Variants in FAM13A observed in about 807,000 individuals in gnomAD.
The protein encoded by FAM13A is protein FAM13A.
In FAM13A, 76 loss-of-function variants were observed where a neutral mutation model predicts 129.6. The ratio of observed to expected loss-of-function variants is 0.59; its 90% CI spans 0.49 to 0.71. The LOEUF is 0.71. FAM13A is among the 30% of genes least tolerant of loss of function. FAM13A has a pLI of 0.00. For missense variants in FAM13A, 1,108 were observed against 1,249.3 expected (o/e 0.89, Z 1.70); for synonymous variants, 443 against 449.9 (o/e 0.98, Z 0.20).
rs775663825 is a variant in FAM13A at position 89,029,492 on chromosome 4, A to C, written c.185T>G (p.Val62Gly). The change falls in exon 2 of 24, where the codon GTG (valine) becomes GGG (glycine). Residue 62 changes from valine to glycine, a missense_variant. Val to Gly is a moderately radical substitution (Grantham distance 109). Transcript: ENST00000264344. ...CGTCAAATATTCCACTATATTCCAC[A>C]CTACTGCTGGAATGCCATTCTCGGT... is the stretch of plus-strand genomic sequence containing the variant. ...GLTENGIPAV[V>G]WNIVEYLTQH... is the part of the protein sequence containing the mutation. The C allele has an allele frequency of 1.3e-6, 2 of 1,595,830 alleles. No homozygotes were observed. The highest frequency in any genetic ancestry group is 8.5e-7 in the Non-Finnish European group (1 of 1,175,208).
At chr4:88,954,550 C>CA (rs1052959856) in intron 4 of FAM13A, among the ~76,000 whole-genome samples, 22 of 152,076 alleles carry the variant, frequency 1.4e-4, no homozygotes, top group African/African-American at 5.3e-4. Flanking sequence ...AACACCTATA[C>CA]AAAAAATAAT....
intron 17 of FAM13A, 136 bp downstream of exon 17, chr4:88,748,816 C>T: frequency 2.7e-6 from 2 of 730,904 alleles, no homozygotes; most frequent in Non-Finnish European, 4.9e-6. Context: ...AGTGGTCACT[C>T]TGAATAGCTG....
In FAM13A at chr4:88,972,054, ATAAT is replaced by A. The variant is rs955400171; in HGVS notation, c.605+18915_605+18918del. ...AGCATACATAAACACATATATATAC[ATAAT>A]TAAATATATTGTTACTATTATTATT... is the stretch of plus-strand genomic sequence containing the variant. On this transcript the variant is annotated intron_variant, in intron 4 of 23. Coordinates refer to ENST00000264344, the MANE Select transcript of FAM13A (RefSeq NM_014883.4). Among the ~76,000 whole-genome samples, 35 of 152,148 alleles carry A rather than the reference ATAAT, an allele frequency of 2.3e-4. No individual in the cohort carries two copies. In the East Asian group the frequency reaches 3.9e-3, roughly 17 times the overall value.
chr4:88,844,042 T>G (rs904782921), intron 7 of FAM13A, among the ~76,000 whole-genome samples: 16 of 152,144 alleles, frequency 1.1e-4, no homozygotes, highest in African/African-American at 3.4e-4. Context: ...GTCAGCTAGA[T>G]GAAGAAAGGT....
intron 3 of FAM13A, among the ~76,000 whole-genome samples, chr4:89,001,321 C>T (rs1764219505): frequency 6.6e-6 from 1 of 152,122 alleles, no homozygotes; most frequent in Admixed American, 6.5e-5. Context: ...CTTTGTGCTG[C>T]TGATTGATTG....
chr4:88,797,270 T>TG (rs1454316017), intron 8 of FAM13A, among the ~76,000 whole-genome samples: 3 of 132,930 alleles, frequency 2.3e-5, no homozygotes, highest in Non-Finnish European at 4.9e-5. Context: ...GATAGTTTTG[T>TG]GGGTTTTTTT....
intron 4 of FAM13A, among the ~76,000 whole-genome samples, chr4:88,980,972 C>A (rs758925986): frequency 2.0e-5 from 3 of 152,096 alleles, no homozygotes; most frequent in Middle Eastern, 3.2e-3. Flanking sequence ...TTTGGTGCTG[C>A]CACTAAGAAA....
chr4:89,045,109 TAAAG>T (rs1380347944), intron 1 of FAM13A, among the ~76,000 whole-genome samples: 3 of 152,032 alleles, frequency 2.0e-5, no homozygotes, highest in Non-Finnish European at 2.9e-5. Context: ...TAAAAAAAGT[TAAAG>T]AATTGATCAC....
At chr4:88,762,900 A>G (rs1454338795) in intron 13 of FAM13A, among the ~76,000 whole-genome samples, 1 of 152,202 alleles carries the variant, frequency 6.6e-6, no homozygotes, top group East Asian at 1.9e-4. Flanking sequence ...AATTAATTTC[A>G]CAATTTTCAA....
chr4:88,856,604 A>C (rs1039987711), intron 6 of FAM13A, among the ~76,000 whole-genome samples: 5 of 152,244 alleles, frequency 3.3e-5, no homozygotes, highest in Non-Finnish European at 5.9e-5. Flanking sequence ...TACTCTGAGA[A>C]GTGATTAGGA....
chr4:88,935,342 T>C (rs1753678139), intron 5 of FAM13A, among the ~76,000 whole-genome samples: 1 of 152,232 alleles, frequency 6.6e-6, no homozygotes, highest in African/African-American at 2.4e-5. Context: ...TATGACTCTG[T>C]TCTCCAAACT....
chr4:88,851,247 GT>G, intron 6 of FAM13A, 64 bp from the exon 7 acceptor site: 1 of 1,387,734 alleles, frequency 7.2e-7, no homozygotes, highest in Non-Finnish European at 9.6e-7. Flanking sequence ...TTCAAATTAA[GT>G]TTATGATAAA....
chr4:88,826,539 A>G (rs1372193824), intron 7 of FAM13A, among the ~76,000 whole-genome samples: 3 of 152,176 alleles, frequency 2.0e-5, no homozygotes, highest in African/African-American at 7.2e-5. Flanking sequence ...CTGTGTTACA[A>G]CCTTTTTTAT....
chr4:88,756,342 T>C (rs1040754900), intron 14 of FAM13A, among the ~76,000 whole-genome samples: 1 of 152,238 alleles, frequency 6.6e-6, no homozygotes, highest in African/African-American at 2.4e-5. Flanking sequence ...TTTCCCTTTT[T>C]GTTTACTTGA....
chr4:88,985,779 C>G (rs569343779), intron 4 of FAM13A, among the ~76,000 whole-genome samples: 1 of 150,712 alleles, frequency 6.6e-6, no homozygotes, highest in South Asian at 2.1e-4. Context: ...AAACGACCAT[C>G]AGAAAAGTAC....
chr4:88,919,252 G>A (rs73843727), intron 5 of FAM13A, among the ~76,000 whole-genome samples: 6,096 of 152,292 alleles, frequency 0.04, 247 homozygotes, highest in South Asian at 0.24. Context: ...TTAGTCACAA[G>A]TATTCAGGGT....
chr4:88,860,630 T>C (rs1739326079), intron 6 of FAM13A, among the ~76,000 whole-genome samples: 1 of 152,244 alleles, frequency 6.6e-6, no homozygotes, highest in African/African-American at 2.4e-5. Context: ...TGTGTGTATT[T>C]GTGAATGTGT....
chr4:88,989,550 C>T (rs28658282), intron 4 of FAM13A: 16,505 of 152,138 alleles, frequency 0.11, 969 homozygotes, highest in African/African-American at 0.15. Context: ...TGCAGTGAGC[C>T]GAGATTGTAC....
chr4:88,842,818 A>C (rs563435440), intron 7 of FAM13A, among the ~76,000 whole-genome samples: 1 of 152,336 alleles, frequency 6.6e-6, no homozygotes, highest in Non-Finnish European at 1.5e-5. Flanking sequence ...TTAGAAAAAA[A>C]ATTTAATTGA....
Sources: gnomAD v4.1 joint callset for allele counts (sites outside exome capture counted in the v4.1 genomes callset) on GRCh38, gnomAD v4.1.1 for gene constraint, MANE v1.5 for transcripts, NCBI Gene and HGNC (gene_info 2026-07-23, HGNC 2026-07-21) for gene names.